NRG3: variants seen among roughly 807,000 people sequenced by gnomAD.
NRG3 encodes pro-neuregulin-3, membrane-bound isoform.
NRG3 carries 31 observed loss-of-function variants against 66.9 expected under a neutral mutation model. That is an observed-to-expected ratio of 0.46 (90% CI 0.35 to 0.63). The LOEUF (loss-of-function observed/expected upper bound fraction) is 0.63, where lower values mean the gene tolerates loss of function less well. Ranked by LOEUF, NRG3 falls within the 20% of genes least tolerant of loss-of-function variation. The probability of loss-of-function intolerance (pLI) is 0.00; values close to 1 mark genes in which losing one functional copy is unlikely to be tolerated. For synonymous variants in NRG3, 393 were observed against 359.4 expected (o/e 1.09, Z -1.06); for missense variants, 910 against 878.9 (o/e 1.04, Z -0.45).
At chr10:82,236,675 C>T (rs2076767117) in intron 1 of NRG3, among the ~76,000 whole-genome samples, 1 of 150,258 alleles carries the variant, frequency 6.7e-6, no homozygotes, top group African/African-American at 2.4e-5. Flanking sequence ...TCATCCTGGC[C>T]TCCCTCTATC....
intron 2 of NRG3, among the ~76,000 whole-genome samples, chr10:82,538,439 G>T (rs1468001997): frequency 6.6e-6 from 1 of 152,138 alleles, no homozygotes; most frequent in East Asian, 1.9e-4. Flanking sequence ...CAGTAATTAA[G>T]ACCAGAGTTC....
intron 4 of NRG3, among the ~76,000 whole-genome samples, chr10:82,878,913 T>A (rs909901794): frequency 2.0e-5 from 3 of 152,190 alleles, no homozygotes; most frequent in Non-Finnish European, 4.4e-5. Flanking sequence ...ACCACGTTAT[T>A]ATTCTCATTT....
At chr10:82,138,813 A>G (rs1171400021) in intron 1 of NRG3, among the ~76,000 whole-genome samples, 1 of 152,184 alleles carries the variant, frequency 6.6e-6, no homozygotes, top group Non-Finnish European at 1.5e-5. Context: ...GGAAGCATCC[A>G]GCTTGGGAGA....
At chr10:82,536,273 A>T (rs1440051060) in intron 2 of NRG3, among the ~76,000 whole-genome samples, 2 of 152,182 alleles carry the variant, frequency 1.3e-5, no homozygotes, top group African/African-American at 4.8e-5. Context: ...CTTTTTGGCT[A>T]CCTCAGGATA....
intron 2 of NRG3, among the ~76,000 whole-genome samples, chr10:82,650,355 A>G (rs1360336223): frequency 1.3e-5 from 2 of 152,176 alleles, no homozygotes; most frequent in Non-Finnish European, 2.9e-5. Flanking sequence ...CCAGCGAGCT[A>G]TTAATTCTCT....
intron 2 of NRG3, among the ~76,000 whole-genome samples, chr10:82,595,579 A>G (rs1313556995): frequency 1.3e-5 from 2 of 152,042 alleles, no homozygotes; most frequent in African/African-American, 4.8e-5. Flanking sequence ...AGGTCAGGAG[A>G]TCAAGACCAT....
At chr10:82,900,110 G>A (rs1011587585) in intron 4 of NRG3, among the ~76,000 whole-genome samples, 2 of 152,104 alleles carry the variant, frequency 1.3e-5, no homozygotes, top group Non-Finnish European at 2.9e-5. Context: ...GAGCAAGAGA[G>A]AGTGGTGTCA....
chr10:81,881,195 T>TG (rs201449389), intron 1 of NRG3, among the ~76,000 whole-genome samples: 2,520 of 151,842 alleles, frequency 0.017, 40 homozygotes, highest in African/African-American at 0.041. Flanking sequence ...TGTTTTTTTT[T>TG]TTTGTTTTTT....
At chr10:82,857,937 C>G (rs1340096330) in intron 3 of NRG3, among the ~76,000 whole-genome samples, 6 of 152,118 alleles carry the variant, frequency 3.9e-5, no homozygotes, top group Admixed American at 3.3e-4. Context: ...CTTTTTAGGA[C>G]AGACATTCTA....
chr10:82,904,777 G>T (rs1400116112), intron 4 of NRG3, among the ~76,000 whole-genome samples: 3 of 152,064 alleles, frequency 2.0e-5, no homozygotes, highest in Non-Finnish European at 4.4e-5. Flanking sequence ...ATTTCAGAGG[G>T]TTTCAATGGT....
intron 2 of NRG3, among the ~76,000 whole-genome samples, chr10:82,612,662 T>C (rs1471982863): frequency 2.0e-5 from 3 of 152,188 alleles, no homozygotes; most frequent in African/African-American, 7.2e-5. Flanking sequence ...TACTGAGATA[T>C]ATTGATTTTA....
chr10:82,150,530 CAAAAA>C (rs1188955647), intron 1 of NRG3, among the ~76,000 whole-genome samples: 334 of 26,704 alleles, frequency 0.013, 3 homozygotes, highest in African/African-American at 0.027. Context: ...AGAGCACACA[CAAAAA>C]AAAAAAAAAA....
intron 3 of NRG3, among the ~76,000 whole-genome samples, chr10:82,749,935 T>G (rs748581199): frequency 2.0e-5 from 3 of 152,216 alleles, no homozygotes; most frequent in Non-Finnish European, 4.4e-5. Flanking sequence ...CATAGCTTTC[T>G]GTGCTTCTTT....
At chr10:82,283,129 T>A (rs1321415144) in intron 1 of NRG3, among the ~76,000 whole-genome samples, 2 of 151,502 alleles carry the variant, frequency 1.3e-5, no homozygotes, top group Non-Finnish European at 2.9e-5. Flanking sequence ...CACCAAGACT[T>A]GGGAAACACT....
At chr10:82,642,551 T>C (rs2050657054) in intron 2 of NRG3, among the ~76,000 whole-genome samples, 1 of 151,722 alleles carries the variant, frequency 6.6e-6, no homozygotes, top group South Asian at 2.1e-4. Context: ...TGGAGAAATA[T>C]ATGAGATGAT....
At chr10:82,687,682 G>A (rs937702106) in intron 2 of NRG3, among the ~76,000 whole-genome samples, 8 of 151,968 alleles carry the variant, frequency 5.3e-5, no homozygotes, top group Admixed American at 2.6e-4. Flanking sequence ...TGATGTGTTC[G>A]GTGTAGAGAG....
At chr10:82,214,257 TCCC>T (rs1290264570) in intron 1 of NRG3, among the ~76,000 whole-genome samples, 6 of 151,944 alleles carry the variant, frequency 3.9e-5, no homozygotes. Context: ...GGACCAAGCC[TCCC>T]CTGAAAGCTG....
intron 2 of NRG3, among the ~76,000 whole-genome samples, chr10:82,455,482 A>C (rs757589797): frequency 1.1e-4 from 17 of 152,202 alleles, no homozygotes; most frequent in Non-Finnish European, 1.9e-4. Flanking sequence ...TGTACAGGGC[A>C]CTTACATAGA....
intron 1 of NRG3, among the ~76,000 whole-genome samples, chr10:82,159,260 A>G (rs1564619566): frequency 6.6e-6 from 1 of 151,876 alleles, no homozygotes; most frequent in Non-Finnish European, 1.5e-5. Context: ...GCACTCAGGA[A>G]ATTAGCCTGG....
Sources: gnomAD v4.1 joint callset for allele counts (sites outside exome capture counted in the v4.1 genomes callset) on GRCh38, gnomAD v4.1.1 for gene constraint, MANE v1.5 for transcripts, NCBI Gene and HGNC (gene_info 2026-07-23, HGNC 2026-07-21) for gene names.